DOCK5: variants seen among roughly 807,000 people sequenced by gnomAD.
The protein encoded by DOCK5 is dedicator of cytokinesis 5.
In DOCK5, 142 loss-of-function variants were observed where a neutral mutation model predicts 251.8. The ratio of observed to expected loss-of-function variants is 0.56; its 90% confidence interval spans 0.49 to 0.65. The LOEUF (loss-of-function observed/expected upper bound fraction) is 0.65. Among genes scored for constraint, DOCK5 ranks in the 30% least tolerant of loss-of-function variants. DOCK5 has a pLI of 0.00. For missense variants in DOCK5, 2,111 were observed against 2,312.3 expected (o/e 0.91, Z 1.79); for synonymous variants, 842 against 835.5 (o/e 1.01, Z -0.13).
chr8:25,381,522 G>A (rs1454682316), intron 39 of DOCK5, among the ~76,000 whole-genome samples: 1 of 151,950 alleles, frequency 6.6e-6, no homozygotes, highest in Non-Finnish European at 1.5e-5. Flanking sequence ...GCTACTTTTG[G>A]GAGGCTGAAG....
At chr8:25,328,053 G>A (rs756692414) in intron 18 of DOCK5, among the ~76,000 whole-genome samples, 7 of 151,892 alleles carry the variant, frequency 4.6e-5, no homozygotes, top group Non-Finnish European at 1.0e-4. Context: ...AAATCAGTCC[G>A]CTAGTTGCCC....
chr8:25,189,427 C>T (rs1801519565), intron 1 of DOCK5, among the ~76,000 whole-genome samples: 1 of 152,092 alleles, frequency 6.6e-6, no homozygotes, highest in African/African-American at 2.4e-5. Context: ...GTGGCAAAAT[C>T]ATGGCTCACT....
rs1800715256 is a variant in DOCK5 at position 25,363,061 on chromosome 8, A to G, written c.2964A>G (p.Glu988=). 1.2e-6 allele frequency: 2 copies of G among 1,613,980 alleles called. No homozygotes were observed. Among genetic ancestry groups the G allele is most frequent in the Non-Finnish European group, 1.7e-6 (2 of 1,179,850 alleles). The change falls in exon 29 of 52, where the codon GAA becomes GAG. Residue 988 remains glutamate, a synonymous_variant. Coordinates refer to ENST00000276440, the MANE Select transcript of DOCK5 (RefSeq NM_024940.8). ...TRQDIIDFLM[E]TFIMFKDLIG... is the part of the protein sequence containing the mutation. ...GTTCTCCGCAGGACTTCCTCATGGA[A>G]ACTTTTATCATGTTCAAGGACCTGA... is the stretch of plus-strand genomic sequence containing the variant.
intron 5 of DOCK5, among the ~76,000 whole-genome samples, chr8:25,288,086 G>A (rs558693062): frequency 1.3e-5 from 2 of 151,904 alleles, no homozygotes; most frequent in African/African-American, 4.8e-5. Context: ...GGGTTTCACC[G>A]TGTTGGTCAG....
intron 1 of DOCK5, among the ~76,000 whole-genome samples, chr8:25,228,832 C>A (rs938468668): frequency 6.6e-6 from 1 of 151,750 alleles, no homozygotes; most frequent in East Asian, 1.9e-4. Context: ...TTAATTTAGT[C>A]TATGTTTTAT....
chr8:25,270,732 C>G, intron 3 of DOCK5: 1 of 689,582 alleles, frequency 1.5e-6, no homozygotes, highest in Non-Finnish European at 2.7e-6. Flanking sequence ...ACATGGCAGA[C>G]CTTGCTTTCT....
chr8:25,277,767 A>G (rs556856049), intron 4 of DOCK5, among the ~76,000 whole-genome samples: 1 of 152,208 alleles, frequency 6.6e-6, no homozygotes, highest in African/African-American at 2.4e-5. Flanking sequence ...GTAATTTTTC[A>G]TAGTAAGCAT....
chr8:25,408,210 G>A, intron 49 of DOCK5, 56 bp downstream of exon 49: 15 of 1,501,068 alleles, frequency 1.0e-5, no homozygotes, highest in Non-Finnish European at 1.3e-5. Context: ...CCTCTCCCCT[G>A]TACCCAGGCA....
At chr8:25,266,840 TAA>T (rs34210893) in intron 2 of DOCK5, among the ~76,000 whole-genome samples, 1 of 150,316 alleles carries the variant, frequency 6.7e-6, no homozygotes, top group Non-Finnish European at 1.5e-5. Context: ...CATAGGAGGT[TAA>T]AAAAAAAAGT....
At chr8:25,362,863 A>G (rs536609185) in intron 28 of DOCK5, among the ~76,000 whole-genome samples, 184 bp from the exon 29 acceptor site, 1 of 152,290 alleles carries the variant, frequency 6.6e-6, no homozygotes, top group South Asian at 2.1e-4. Flanking sequence ...CAATATAAAA[A>G]TCAAATTGCA....
chr8:25,365,159 T>C (rs946097580), intron 30 of DOCK5, among the ~76,000 whole-genome samples: 1 of 152,258 alleles, frequency 6.6e-6, no homozygotes, highest in Non-Finnish European at 1.5e-5. Context: ...CCGCTAGCTC[T>C]ATTTTCATTC....
rs1805534347 is a variant in DOCK5, at chr8:25,325,251, A to G, written c.1720-113A>G. On this transcript the variant is annotated intron_variant, in intron 17 of 51. Transcript: ENST00000276440. ...CTCAGAGGTGGAAGGGATCTTCAGG[A>G]TAAATTGATAAGTCCACGCTTCTCA... The G allele has an allele frequency of 2.7e-6, 3 of 1,119,452 alleles. No homozygotes were observed. The Admixed American group carries it at 7.2e-5, about 27-fold the overall frequency. 69.3% of individuals were successfully genotyped at this position (1,119,452 alleles called of 1,614,324 possible).
chr8:25,193,569 T>C (rs147756767), intron 1 of DOCK5, among the ~76,000 whole-genome samples: 8 of 151,034 alleles, frequency 5.3e-5, no homozygotes, highest in African/African-American at 2.0e-4. Context: ...GAAACCAGCC[T>C]GGGCAACGTT....
Position 25,400,974 on chromosome 8 carries a change from A to T in DOCK5, c.4834A>T (p.Thr1612Ser), listed in dbSNP as rs1020797028. The T allele has an allele frequency of 1.9e-6, 3 of 1,613,978 alleles. No homozygotes were observed. Among genetic ancestry groups the T allele is most frequent in the Non-Finnish European group, 1.7e-6 (2 of 1,179,878 alleles). Reference protein sequence around the residue: ...EGIRIHGEKLTEQLKPLHERL... With the variant: ...EGIRIHGEKLSEQLKPLHERL... ...GATCCGCATCCATGGGGAGAAACTCACAGAGCAGCTGAAGCCGCTGCATGA... is the reference window on the plus strand; with the variant it reads ...GATCCGCATCCATGGGGAGAAACTCTCAGAGCAGCTGAAGCCGCTGCATGA... The change falls in exon 47 of 52, where the codon ACA becomes TCA. Residue 1612 changes from threonine (T) to serine (S), a missense_variant. This residue lies in a region of DOCK5 where 1,717 missense variants were observed against 1,892.4 expected (regional missense o/e 0.91). Transcript: ENST00000276440.
chr8:25,322,808 G>T (rs1005104512), intron 16 of DOCK5, among the ~76,000 whole-genome samples: 2 of 152,194 alleles, frequency 1.3e-5, no homozygotes, highest in Non-Finnish European at 2.9e-5. Context: ...CTGGGCTGGA[G>T]CCGGATCATG....
At chr8:25,203,220 C>T (rs1022574654) in intron 1 of DOCK5, among the ~76,000 whole-genome samples, 4 of 152,170 alleles carry the variant, frequency 2.6e-5, no homozygotes, top group South Asian at 4.1e-4. Flanking sequence ...AAGCCTGCCT[C>T]AAAGAAGGCT....
intron 1 of DOCK5, among the ~76,000 whole-genome samples, chr8:25,201,584 T>C (rs2090503285): frequency 6.6e-6 from 1 of 152,192 alleles, no homozygotes; most frequent in South Asian, 2.1e-4. Context: ...ATGCTTGAAA[T>C]CAGAATCGTC....
chr8:25,306,521 T>A (rs6992630), intron 11 of DOCK5, among the ~76,000 whole-genome samples: 3,341 of 151,996 alleles, frequency 0.022, 69 homozygotes, highest in Middle Eastern at 0.038. Flanking sequence ...GGTGAAACCC[T>A]GTCTCTACTA....
intron 3 of DOCK5, chr8:25,270,945 T>C (rs117056601): frequency 9.2e-5 from 52 of 566,246 alleles, no homozygotes; most frequent in African/African-American, 7.8e-4. Flanking sequence ...ATGTAAATGC[T>C]ATGTAAGTAG....
Sources: allele counts gnomAD v4.1 joint callset (sites outside exome capture counted in the v4.1 genomes callset), GRCh38; gene constraint gnomAD v4.1.1; regional missense constraint gnomAD v4.1.1; transcripts MANE v1.5; gene names NCBI Gene and HGNC (gene_info 2026-07-23, HGNC 2026-07-21).